The following ST8SIA2 variants were observed in gnomAD, a reference collection of about 807,000 sequenced individuals.
ST8SIA2 encodes the protein alpha-2,8-sialyltransferase 8B.
ST8SIA2 carries 22 observed loss-of-function variants against 37.6 expected under a neutral mutation model. The ratio of observed to expected loss-of-function variants is 0.58; its 90% CI spans 0.42 to 0.83. The LOEUF (loss-of-function observed/expected upper bound fraction) is 0.83, where lower values mean the gene tolerates loss of function less well. ST8SIA2 is among the 40% of genes least tolerant of loss of function. The pLI is 0.00. For synonymous variants in ST8SIA2, 205 were observed against 201.2 expected, an observed-to-expected ratio of 1.02 and a Z score of -0.16; for missense variants, 382 against 484.7, an observed-to-expected ratio of 0.79 and a Z score of 1.99.
At chr15:92,403,199 C>G (rs2049484223) in intron 1 of ST8SIA2, among the ~76,000 whole-genome samples, 1 of 152,142 alleles carries the variant, frequency 6.6e-6, no homozygotes, top group Admixed American at 6.5e-5. Flanking sequence ...TCAGAGAGGT[C>G]TCGGGACTTG....
chr15:92,435,446 A>T (rs1158981468), intron 3 of ST8SIA2, among the ~76,000 whole-genome samples: 2 of 152,084 alleles, frequency 1.3e-5, no homozygotes, highest in Admixed American at 1.3e-4. Context: ...ATAGGGGGGT[A>T]AGGTTGGGAC....
intron 4 of ST8SIA2, among the ~76,000 whole-genome samples, chr15:92,439,798 A>AG (rs1365506958): frequency 6.6e-6 from 1 of 151,762 alleles, no homozygotes; most frequent in East Asian, 1.9e-4. Context: ...GGGTGAGGGG[A>AG]GGGGAAAGGA....
chr15:92,406,106 G>A (rs957604271), intron 1 of ST8SIA2, among the ~76,000 whole-genome samples: 4 of 152,216 alleles, frequency 2.6e-5, no homozygotes, highest in African/African-American at 9.6e-5. Context: ...CTGGGAAGAG[G>A]TAGGGCACAG....
intron 5 of ST8SIA2, among the ~76,000 whole-genome samples, chr15:92,451,613 A>G (rs1265037539): frequency 6.6e-6 from 1 of 152,202 alleles, no homozygotes; most frequent in East Asian, 1.9e-4. Context: ...GCTCAGAAAT[A>G]CAGTCACACA....
At chr15:92,397,626 T>C (rs1306372107) in intron 1 of ST8SIA2, among the ~76,000 whole-genome samples, 1 of 152,210 alleles carries the variant, frequency 6.6e-6, no homozygotes, top group Non-Finnish European at 1.5e-5. Context: ...TTAGATCCAA[T>C]TCGACCAAGT....
At chr15:92,447,802 G>C (rs1452888120) in intron 5 of ST8SIA2, among the ~76,000 whole-genome samples, 1 of 152,120 alleles carries the variant, frequency 6.6e-6, no homozygotes, top group African/African-American at 2.4e-5. Context: ...GGCTCAATGG[G>C]GCTACATACT....
chr15:92,454,161 T>A (rs1344636517), intron 5 of ST8SIA2, among the ~76,000 whole-genome samples: 1 of 152,056 alleles, frequency 6.6e-6, no homozygotes. Flanking sequence ...TATCTAGCAG[T>A]TCTGGGGGCT....
intron 5 of ST8SIA2, among the ~76,000 whole-genome samples, chr15:92,447,012 T>C (rs2049847555): frequency 6.6e-6 from 1 of 152,130 alleles, no homozygotes; most frequent in African/African-American, 2.4e-5. Context: ...GGAGAAGACC[T>C]GAGTTGTGTC....
intron 1 of ST8SIA2, among the ~76,000 whole-genome samples, chr15:92,407,458 C>T (rs998445125): frequency 2.0e-5 from 3 of 152,188 alleles, no homozygotes; most frequent in African/African-American, 4.8e-5. Flanking sequence ...GACAGCAAAG[C>T]GCTCATCAGC....
intron 1 of ST8SIA2, among the ~76,000 whole-genome samples, chr15:92,396,950 A>C (rs2049436503): frequency 6.6e-6 from 1 of 152,170 alleles, no homozygotes; most frequent in Non-Finnish European, 1.5e-5. Flanking sequence ...AATCATACTC[A>C]GGCACAAGAG....
chr15:92,432,538 C>G (rs1478209441), intron 2 of ST8SIA2, among the ~76,000 whole-genome samples: 4 of 152,190 alleles, frequency 2.6e-5, no homozygotes, highest in Admixed American at 6.5e-5. Context: ...CACAGTCACA[C>G]AGCTTATGAA....
chr15:92,444,770 A>G lies in ST8SIA2; in HGVS notation c.683A>G (p.Gln228Arg), dbSNP rs1567221338. ...GCCACGTGGCGGGAGAAGCTGCTGC[A>G]ACGGCTGCACAGCCTCAATGGCAGC... ...VNATWREKLL[Q>R]RLHSLNGSIL... The change falls in exon 5 of 6, where the codon CAA (glutamine) becomes CGA (arginine). Residue 228 changes from glutamine (Q) to arginine (R), a missense_variant. Coordinates refer to ENST00000268164, the MANE Select transcript of ST8SIA2 (RefSeq NM_006011.4). The G allele has an allele frequency of 1.9e-6, 3 of 1,614,136 alleles. No homozygotes were observed. Among genetic ancestry groups the G allele is most frequent in the Non-Finnish European group, 2.5e-6 (3 of 1,180,034 alleles).
At chr15:92,406,597 G>A (rs2049509623) in intron 1 of ST8SIA2, among the ~76,000 whole-genome samples, 1 of 152,246 alleles carries the variant, frequency 6.6e-6, no homozygotes, top group African/African-American at 2.4e-5. Context: ...CCTGCCCTAA[G>A]CAGTGACCTT....
At chr15:92,403,612 C>T (rs904312474) in intron 1 of ST8SIA2, among the ~76,000 whole-genome samples, 1 of 152,046 alleles carries the variant, frequency 6.6e-6, no homozygotes, top group East Asian at 1.9e-4. Flanking sequence ...AGGAGTGATA[C>T]CCAGGGTTAA....
intron 1 of ST8SIA2, chr15:92,417,443 T>A (rs965396086): frequency 3.3e-5 from 5 of 152,192 alleles, no homozygotes; most frequent in African/African-American, 1.2e-4. Context: ...CACAGGGATG[T>A]TGTGTCTGAA....
chr15:92,464,077 T>TC (rs2049975195), intron 5 of ST8SIA2, 23 bp from the exon 6 acceptor site: 9 of 1,447,158 alleles, frequency 6.2e-6, no homozygotes, highest in African/African-American at 5.0e-5. Context: ...CTTTTCTTTT[T>TC]TTTTTTTTTT....
At chr15:92,452,663 G>C (rs1337066954) in intron 5 of ST8SIA2, among the ~76,000 whole-genome samples, 1 of 152,220 alleles carries the variant, frequency 6.6e-6, no homozygotes, top group Non-Finnish European at 1.5e-5. Flanking sequence ...TGTGAGGCAG[G>C]CAGCAGACAG....
At chr15:92,448,973 A>T (rs1324543695) in intron 5 of ST8SIA2, among the ~76,000 whole-genome samples, 1 of 152,186 alleles carries the variant, frequency 6.6e-6, no homozygotes, top group Non-Finnish European at 1.5e-5. Context: ...ATTGTGATAA[A>T]ATATACATAA....
At chr15:92,402,598 G>A (rs2049479580) in intron 1 of ST8SIA2, among the ~76,000 whole-genome samples, 1 of 152,196 alleles carries the variant, frequency 6.6e-6, no homozygotes, top group South Asian at 2.1e-4. Flanking sequence ...GAGAACCCTG[G>A]GATGTAGCGA....
Sources: gnomAD v4.1 joint callset for allele counts (sites outside exome capture counted in the v4.1 genomes callset) on GRCh38, gnomAD v4.1.1 for gene constraint, MANE v1.5 for transcripts, NCBI Gene and HGNC (gene_info 2026-07-23, HGNC 2026-07-21) for gene names.